The following SMARCA2 variants were observed in gnomAD, a reference collection of about 807,000 sequenced individuals.
The protein encoded by SMARCA2 is SWI/SNF related BAF chromatin remodeling complex subunit ATPase 2, also known as SWI/SNF-related matrix-associated actin-dependent regulator of chromatin subfamily A member 2.
SMARCA2 carries 61 observed loss-of-function variants against 199.8 expected under a neutral mutation model. The observed-to-expected ratio is 0.31, with a 90% CI of 0.25 to 0.38. The LOEUF (loss-of-function observed/expected upper bound fraction) is 0.38, where lower values mean the gene tolerates loss of function less well. SMARCA2 is among the 10% of genes least tolerant of loss of function. SMARCA2 has a pLI of 1.00. For missense variants in SMARCA2, 1,344 were observed against 2,012.2 expected, an observed-to-expected ratio of 0.67 and a Z score of 6.35; for synonymous variants, 935 against 732.0, an observed-to-expected ratio of 1.28 and a Z score of -4.48.
intron 22 of SMARCA2, among the ~76,000 whole-genome samples, chr9:2,102,549 C>T (rs935814015): frequency 5.3e-5 from 8 of 152,198 alleles, no homozygotes; most frequent in African/African-American, 1.9e-4. Flanking sequence ...GTTTTCCAAA[C>T]AGTATCACCT....
At chr9:2,187,154 G>A (rs1189228176) in intron 32 of SMARCA2, among the ~76,000 whole-genome samples, 1 of 152,110 alleles carries the variant, frequency 6.6e-6, no homozygotes, top group Non-Finnish European at 1.5e-5. Flanking sequence ...TGATGACAGG[G>A]TACTGTCTTT....
intron 14 of SMARCA2, 116 bp from the exon 15 acceptor site, chr9:2,081,715 TG>T: frequency 1.2e-6 from 1 of 807,426 alleles, no homozygotes; most frequent in Non-Finnish European, 2.0e-6. Context: ...TTTCCTACTG[TG>T]GGAAACCCAA....
intron 27 of SMARCA2, among the ~76,000 whole-genome samples, chr9:2,145,388 G>A (rs1824689581): frequency 6.6e-6 from 1 of 151,962 alleles, no homozygotes; most frequent in East Asian, 1.9e-4. Context: ...AGCAATGGAG[G>A]AGAAAGTAAA....
intron 32 of SMARCA2, among the ~76,000 whole-genome samples, chr9:2,188,920 C>T (rs1266663189): frequency 1.3e-5 from 2 of 152,210 alleles, no homozygotes; most frequent in African/African-American, 2.4e-5. Context: ...TTCTTTGGCT[C>T]ATTGCCTCCC....
At chr9:2,133,298 T>A (rs984942716) in intron 27 of SMARCA2, among the ~76,000 whole-genome samples, 1 of 152,168 alleles carries the variant, frequency 6.6e-6, no homozygotes, top group African/African-American at 2.4e-5. Flanking sequence ...TTTTGACGTT[T>A]TCTGCTTTTT....
chr9:2,085,159 T>C (rs1236167854), intron 17 of SMARCA2, among the ~76,000 whole-genome samples: 1 of 152,218 alleles, frequency 6.6e-6, no homozygotes, highest in African/African-American at 2.4e-5. Flanking sequence ...GTTTAATAAT[T>C]GAGATGGCAC....
intron 9 of SMARCA2, 72 bp from the exon 10 acceptor site, chr9:2,070,346 C>G (rs187603921): frequency 8.3e-7 from 1 of 1,203,662 alleles, no homozygotes; most frequent in Non-Finnish European, 1.2e-6. Flanking sequence ...TATTACATAC[C>G]GGAGAGTTAC....
intron 27 of SMARCA2, among the ~76,000 whole-genome samples, chr9:2,154,655 T>G (rs1825249090): frequency 6.6e-6 from 1 of 152,218 alleles, no homozygotes. Flanking sequence ...AAGAACCATT[T>G]ATTTTGCTCA....
At chr9:2,129,087 A>G (rs1823822579) in intron 27 of SMARCA2, among the ~76,000 whole-genome samples, 1 of 152,204 alleles carries the variant, frequency 6.6e-6, no homozygotes, top group Non-Finnish European at 1.5e-5. Context: ...GGCAAGTGCC[A>G]TTAGCAACGG....
In SMARCA2 at chr9:2,119,518, GA is replaced by G; in HGVS notation, c.3747del (p.Glu1249AspfsTer26). On this transcript the variant is annotated frameshift_variant, in exon 26 of 34. Coordinates refer to ENST00000349721, the MANE Select transcript of SMARCA2 (RefSeq NM_003070.5). LOFTEE classifies it high-confidence loss of function. The surrounding 1 kb of genome is among the most constrained non-coding windows in gnomAD (Gnocchi z 4.6). ...CCAAATGATTGCTCGACGAGAAGAA[GA>G]ATTTGACCTTTTTATGGTAATGTTA... Reference protein sequence around the residue: ...LNQMIARREEEFDLFMRMDMD... With the variant: ...LNQMIARREEXFDLFMRMDMD... 6.2e-7 allele frequency: 1 copy of G among 1,610,980 alleles called. No homozygotes were observed. Among genetic ancestry groups the G allele is most frequent in the Non-Finnish European group, 8.5e-7 (1 of 1,177,244 alleles).
chr9:2,185,969 C>T lies in SMARCA2; in HGVS notation c.4462-127C>T, dbSNP rs73376762. Reference sequence around the variant, plus strand: ...TTTTGCTACTGGGTTTTCATGTGGGCATAAAAGCTAACGGTGACATTTCTA... The same window carrying T: ...TTTTGCTACTGGGTTTTCATGTGGGTATAAAAGCTAACGGTGACATTTCTA... On this transcript the variant is annotated intron_variant, in intron 31 of 33. Transcript: ENST00000349721. The T allele has an allele frequency of 1.2e-3, 1,031 of 889,084 alleles. 3 individuals carry two copies. The African/African-American group carries it at 0.015, about 13-fold the overall frequency. The allele number at this position is 889,084 out of a possible 1,614,324, so 55.1% of individuals were successfully genotyped here. A position where few individuals can be genotyped will look rare whatever the true frequency, so the allele number is the denominator to read the frequency against.
At chr9:2,186,745 C>G (rs1563842469) in intron 32 of SMARCA2, among the ~76,000 whole-genome samples, 1 of 152,324 alleles carries the variant, frequency 6.6e-6, no homozygotes, top group East Asian at 1.9e-4. Context: ...AGGCTGGTCT[C>G]AAACTCCTGG....
At chr9:2,131,375 G>T (rs918637114) in intron 27 of SMARCA2, among the ~76,000 whole-genome samples, 2 of 152,218 alleles carry the variant, frequency 1.3e-5, no homozygotes, top group African/African-American at 4.8e-5. Context: ...GATGAGGGAA[G>T]ACACCGCTTT....
intron 4 of SMARCA2, chr9:2,045,063 T>C (rs548983418): frequency 6.6e-6 from 1 of 152,306 alleles, no homozygotes; most frequent in South Asian, 2.1e-4. Context: ...TGGGTATTTA[T>C]AGGCAATAAT....
intron 27 of SMARCA2, among the ~76,000 whole-genome samples, chr9:2,130,662 CAT>C (rs755451848): frequency 2.0e-5 from 3 of 151,804 alleles, no homozygotes; most frequent in Admixed American, 6.6e-5. Flanking sequence ...TTACAGATTA[CAT>C]ATATATATAT....
intron 18 of SMARCA2, 56 bp downstream of exon 18, chr9:2,087,127 C>A: frequency 6.2e-7 from 1 of 1,601,274 alleles, no homozygotes; most frequent in South Asian, 1.1e-5. Context: ...AAATGAAAGG[C>A]CCTAAAGCTG....
intron 27 of SMARCA2, among the ~76,000 whole-genome samples, chr9:2,136,876 T>A (rs1824219019): frequency 6.6e-6 from 1 of 152,200 alleles, no homozygotes; most frequent in Non-Finnish European, 1.5e-5. Context: ...TTTTACTTAA[T>A]GCTAGAATTT....
chr9:2,018,303 C>T (rs1257975628), intron 1 of SMARCA2, among the ~76,000 whole-genome samples: 2 of 152,210 alleles, frequency 1.3e-5, no homozygotes, highest in African/African-American at 4.8e-5. Flanking sequence ...CTAGACTGGG[C>T]TTCTCCCCTC....
At position 2,110,288 on chromosome 9, in the gene SMARCA2, G is replaced by A. The variant is rs749769765; in HGVS notation, c.3327G>A (p.Leu1109=). 1.2e-6 allele frequency: 2 copies of A among 1,613,548 alleles called. No homozygotes were observed. Among genetic ancestry groups the A allele is most frequent in the South Asian group, 1.1e-5 (1 of 90,998 alleles). Residue 1109 remains leucine, a synonymous_variant, in exon 24 of 34, where the codon CTG becomes CTA. Coordinates refer to ENST00000349721, the MANE Select transcript of SMARCA2 (RefSeq NM_003070.5). This position sits in a 1 kb window ranked among gnomAD's most constrained non-coding sequence, Gnocchi z 4.8. ...TTKSEDRAAL[L]KKFNEPGSQY... is the part of the protein sequence containing the mutation. ...AGTCTGAAGATCGTGCTGCTTTGCT[G>A]AAGAAATTCAATGAACCTGGATCCC...
Sources: allele counts gnomAD v4.1 joint callset (sites outside exome capture counted in the v4.1 genomes callset), GRCh38; gene constraint gnomAD v4.1.1; non-coding constraint Gnocchi (gnomAD v3.1); transcripts MANE v1.5; gene names NCBI Gene and HGNC (gene_info 2026-07-23, HGNC 2026-07-21).